NUP214: variants seen among roughly 807,000 people sequenced by gnomAD.
The protein encoded by NUP214 is nuclear pore complex protein Nup214.
A neutral mutation model predicts 196.2 loss-of-function variants in NUP214; 79 were observed. That is an observed-to-expected ratio of 0.40 (90% CI 0.34 to 0.49). NUP214 has a LOEUF of 0.49. NUP214 is among the 20% of genes least tolerant of loss of function. The pLI is 0.58. For synonymous variants in NUP214, 1,020 were observed against 990.5 expected (o/e 1.03, Z -0.56); for missense variants, 2,468 against 2,539.0 (o/e 0.97, Z 0.60).
Position 131,192,269 on chromosome 9 carries a change from G to A in NUP214, c.3636G>A (p.Lys1212=), listed in dbSNP as rs971668460. The change falls in exon 27 of 36, where the codon AAG becomes AAA. Residue 1212 remains lysine (K), a synonymous_variant. Coordinates refer to ENST00000359428, the MANE Select transcript of NUP214 (RefSeq NM_005085.4). ...CATCTGCTTCTGGGCAGTTCAGCAA[G>A]CCTTTCTCATTTTCTCCATCAGGGT... ...STPSASGQFS[K]PFSFSPSGTG... 6 of 1,442,032 alleles carry A rather than the reference G, an allele frequency of 4.2e-6. No homozygotes were observed. Among genetic ancestry groups the A allele is most frequent in the Admixed American group, 4.0e-5 (2 of 50,254 alleles). 89.3% of individuals were successfully genotyped at this position (1,442,032 alleles called of 1,614,324 possible).
At position 131,234,440 on chromosome 9, in the gene NUP214, A is replaced by C. The variant is rs1564226474; in HGVS notation, c.*953A>C. ...TAGAGTGCTTCTTTATCTTTAATGCAGTATCTTTGAGGCCTGTAACATCCT... is the reference window on the plus strand; with the variant it reads ...TAGAGTGCTTCTTTATCTTTAATGCCGTATCTTTGAGGCCTGTAACATCCT... On this transcript the variant is annotated 3_prime_UTR_variant, in exon 36 of 36. Coordinates refer to ENST00000359428, the MANE Select transcript of NUP214 (RefSeq NM_005085.4). The C allele has an allele frequency of 4.3e-6, 1 of 232,154 alleles. No individual in the cohort carries two copies. The allele number at this position is 232,154 out of a possible 1,614,324, so 14.4% of individuals were successfully genotyped here.
chr9:131,199,157 C>T (rs1833878803), intron 29 of NUP214, 142 bp downstream of exon 29: 2 of 1,033,328 alleles, frequency 1.9e-6, no homozygotes, highest in South Asian at 1.7e-5. Flanking sequence ...GCTTGGAGCA[C>T]ATGTGGTCTC....
intron 4 of NUP214, among the ~76,000 whole-genome samples, chr9:131,130,151 G>GTTTTTTT (rs56836232): frequency 9.2e-6 from 1 of 109,200 alleles, no homozygotes; most frequent in Non-Finnish European, 1.7e-5. Context: ...TTTTTTTTTT[G>GTTTTTTT]TTTTTTTTTT....
chr9:131,156,615 T>C (rs1588137103), intron 17 of NUP214, among the ~76,000 whole-genome samples: 1 of 151,922 alleles, frequency 6.6e-6, no homozygotes. Context: ...TTGTTGTTTA[T>C]TTGATTCTCA....
At chr9:131,194,861 CTCACT>C (rs1833730741) in intron 27 of NUP214, among the ~76,000 whole-genome samples, 1 of 152,204 alleles carries the variant, frequency 6.6e-6, no homozygotes, top group Non-Finnish European at 1.5e-5. Flanking sequence ...CTTCTGTCCC[CTCACT>C]TAACAGACCA....
intron 18 of NUP214, among the ~76,000 whole-genome samples, chr9:131,160,682 A>G (rs921708169): frequency 2.6e-5 from 4 of 152,230 alleles, no homozygotes; most frequent in Non-Finnish European, 5.9e-5. Context: ...CCTGGGTGTG[A>G]TATCAGGGAC....
chr9:131,130,074 G>A (rs1051655365), intron 4 of NUP214, among the ~76,000 whole-genome samples: 1 of 149,412 alleles, frequency 6.7e-6, no homozygotes, highest in Non-Finnish European at 1.5e-5. Context: ...AAAGTCATTT[G>A]TACCTTTGGG....
At chr9:131,182,285 G>A (rs763421937) in intron 24 of NUP214, among the ~76,000 whole-genome samples, 13 of 152,218 alleles carry the variant, frequency 8.5e-5, no homozygotes, top group Non-Finnish European at 1.8e-4. Context: ...GCCCTGGGCT[G>A]CAGACCAGTA....
chr9:131,148,663 A>G (rs1284026469), intron 14 of NUP214, among the ~76,000 whole-genome samples: 2 of 152,188 alleles, frequency 1.3e-5, no homozygotes, highest in Non-Finnish European at 2.9e-5. Context: ...GCTTTTTAAA[A>G]GATGATTATT....
At chr9:131,187,716 T>G (rs1833494675) in intron 25 of NUP214, among the ~76,000 whole-genome samples, 1 of 152,176 alleles carries the variant, frequency 6.6e-6, no homozygotes, top group African/African-American at 2.4e-5. Flanking sequence ...TCATGCCGTG[T>G]CTGTCTTTGT....
Position 131,215,341 on chromosome 9 carries a change from G to A in NUP214, c.5722G>A (p.Gly1908Arg). 3 of 1,601,102 alleles carry A rather than the reference G, an allele frequency of 1.9e-6. No individual in the cohort carries two copies. The highest frequency in any genetic ancestry group is 1.1e-5 in the South Asian group (1 of 89,422). ...CAAAAACCCATTCAGCTCGGCCAGTGGGGGCTTTGGATCCACAGCTACCTC... is the reference window on the plus strand; with the variant it reads ...CAAAAACCCATTCAGCTCGGCCAGTAGGGGCTTTGGATCCACAGCTACCTC... ...ANKNPFSSAS[G>R]GFGSTATSNT... The change falls in exon 31 of 36, where the codon GGG becomes AGG. Residue 1908 changes from glycine to arginine, a missense_variant. By Grantham distance (125) the Gly-to-Arg change is moderately radical. Around this residue, in one of 5 missense-constraint regions of NUP214, gnomAD observed 262 missense variants for 296.5 expected, o/e 0.88. Coordinates refer to ENST00000359428, the MANE Select transcript of NUP214 (RefSeq NM_005085.4).
At chr9:131,224,723 T>G (rs1213138527) in intron 32 of NUP214, among the ~76,000 whole-genome samples, 2 of 152,236 alleles carry the variant, frequency 1.3e-5, no homozygotes, top group Non-Finnish European at 2.9e-5. Flanking sequence ...TCCTAGAAAT[T>G]AAAACAGAAT....
rs565587325 is a variant in NUP214, at chr9:131,133,295, T to G, written c.831+86T>G. On this transcript the variant is annotated intron_variant, in intron 7 of 35. Coordinates refer to ENST00000359428, the MANE Select transcript of NUP214 (RefSeq NM_005085.4). Reference sequence around the variant, plus strand: ...AGGCTTTGATTTCAAGGGGTTTTTTTGTGTTTGTGTTTTTTTTTTTTTTTT... The same window carrying G: ...AGGCTTTGATTTCAAGGGGTTTTTTGGTGTTTGTGTTTTTTTTTTTTTTTT... The G allele has an allele frequency of 5.1e-5, 41 of 799,144 alleles. No homozygotes were observed. In the East Asian group the frequency reaches 1.2e-3, roughly 24 times the overall value. The allele number at this position is 799,144 out of a possible 1,614,324, so 49.5% of individuals were successfully genotyped here.
At chr9:131,229,043 T>C (rs1834800016) in intron 33 of NUP214, 1 of 152,198 alleles carries the variant, frequency 6.6e-6, no homozygotes, top group African/African-American at 2.4e-5. Flanking sequence ...AAAGGAGGTG[T>C]CGATGCCTGA....
chr9:131,173,263 T>C (rs1411506802), intron 21 of NUP214, among the ~76,000 whole-genome samples: 5 of 152,006 alleles, frequency 3.3e-5, no homozygotes, highest in Non-Finnish European at 7.4e-5. Flanking sequence ...TCACCATATT[T>C]GCCAGGCTGG....
At chr9:131,228,417 T>G in intron 33 of NUP214, 86 bp downstream of exon 33, 6 of 1,380,274 alleles carry the variant, frequency 4.3e-6, no homozygotes, top group Non-Finnish European at 4.8e-6. Context: ...AAAAGAAATT[T>G]GACCATGAGG....
chr9:131,174,684 C>G (rs1387907803), intron 22 of NUP214, among the ~76,000 whole-genome samples: 1 of 151,996 alleles, frequency 6.6e-6, no homozygotes, highest in Non-Finnish European at 1.5e-5. Context: ...AAACTCCTGA[C>G]CTCAGGTGAT....
At position 131,160,023 on chromosome 9, in the gene NUP214, A is replaced by T. The variant is rs535368986; in HGVS notation, c.2540+537A>T. Reference sequence around the variant, plus strand: ...TTTATGATAGTGAAAAATTGGATTCAGCCTAATTATCTAAAGGTACAGGAG... The same window carrying T: ...TTTATGATAGTGAAAAATTGGATTCTGCCTAATTATCTAAAGGTACAGGAG... On this transcript the variant is annotated intron_variant, in intron 18 of 35. Coordinates refer to ENST00000359428, the MANE Select transcript of NUP214 (RefSeq NM_005085.4). 5.3e-5 allele frequency among the ~76,000 whole-genome samples: 8 copies of T among 152,304 alleles called. No individual in the cohort carries two copies. In the South Asian group the frequency reaches 1.4e-3, roughly 28 times the overall value.
chr9:131,153,618 C>G (rs955947089), intron 17 of NUP214, among the ~76,000 whole-genome samples: 2 of 152,178 alleles, frequency 1.3e-5, no homozygotes, highest in South Asian at 4.1e-4. Flanking sequence ...GACACTTATT[C>G]AGGAGGGAAT....
Sources: gnomAD v4.1 joint callset for allele counts (sites outside exome capture counted in the v4.1 genomes callset) on GRCh38, gnomAD v4.1.1 for gene constraint, gnomAD v4.1.1 regional missense constraint, MANE v1.5 for transcripts, NCBI Gene and HGNC (gene_info 2026-07-23, HGNC 2026-07-21) for gene names.